Variants in RPL26L1 observed in about 807,000 individuals in gnomAD.
RPL26L1 encodes the protein ribosomal protein L26 like 1, also known as ribosomal protein uL24-like.
Under a neutral mutation model 15.2 loss-of-function variants are expected in RPL26L1, and 8 were observed. The ratio of observed to expected loss-of-function variants is 0.53; its 90% CI spans 0.31 to 0.95. The LOEUF is 0.95. RPL26L1 is among the 40% of genes least tolerant of loss of function. RPL26L1 has a pLI of 0.05. For missense variants in RPL26L1, 146 were observed against 190.9 expected (o/e 0.76, Z 1.39); for synonymous variants, 51 against 65.9 (o/e 0.77, Z 1.09).
chr5:172,964,982 G>A (rs773250528), intron 2 of RPL26L1, among the ~76,000 whole-genome samples: 18 of 152,186 alleles, frequency 1.2e-4, no homozygotes, highest in Non-Finnish European at 2.4e-4. Context: ...CCAGGAGTTC[G>A]AGACCAGCCT....
At chr5:172,957,397 C>T, upstream of RPL26L1, 1 of 391,894 alleles carries the variant, frequency 2.6e-6, no homozygotes. Flanking sequence ...ATCTTGGGTT[C>T]TCAAGATCTG....
At chr5:172,958,486 T>C (rs1298300254), upstream of RPL26L1, 2 of 455,108 alleles carry the variant, frequency 4.4e-6, no homozygotes, top group Admixed American at 2.4e-5. Context: ...AAAGGGAGAG[T>C]TGGAGTTAAT....
upstream of RPL26L1, chr5:172,958,534 C>A (rs966754979): frequency 9.6e-6 from 4 of 417,032 alleles, no homozygotes; most frequent in Admixed American, 7.4e-5. Context: ...GGTTCTTAAC[C>A]CGAAGAGAGT....
upstream of RPL26L1, among the ~76,000 whole-genome samples, chr5:172,956,659 C>T (rs1045553644): frequency 6.6e-6 from 1 of 152,126 alleles, no homozygotes; most frequent in Non-Finnish European, 1.5e-5. Context: ...GACACCAGGC[C>T]GGGTGTGGTG....
chr5:172,968,801 G>GTTTTTTTTTT (rs1561759656), intron 3 of RPL26L1, among the ~76,000 whole-genome samples: 1 of 58,948 alleles, frequency 1.7e-5, no homozygotes, highest in East Asian at 6.2e-4. Flanking sequence ...TGATGGCTGT[G>GTTTTTTTTTT]TCTTTTTTTT....
At chr5:172,969,332 CTT>C in intron 3 of RPL26L1, 79 bp from the exon 4 acceptor site, 1 of 1,438,554 alleles carries the variant, frequency 7.0e-7, no homozygotes, top group Non-Finnish European at 9.6e-7. Context: ...TGGCTGAGGT[CTT>C]ACTTAACTTA....
chr5:172,962,704 T>C (rs1755285123), intron 2 of RPL26L1, among the ~76,000 whole-genome samples: 1 of 147,964 alleles, frequency 6.8e-6, no homozygotes, highest in South Asian at 2.1e-4. Flanking sequence ...TAGTCCCAAC[T>C]ACTTGGGAGG....
chr5:172,957,196 G>A (rs1755001966), upstream of RPL26L1: 1 of 456,124 alleles, frequency 2.2e-6, no homozygotes, highest in African/African-American at 2.0e-5. Context: ...TCCTGCGCAT[G>A]TTTCCAGGGG....
upstream of RPL26L1, among the ~76,000 whole-genome samples, chr5:172,956,194 G>A (rs1204464892): frequency 1.3e-5 from 2 of 152,152 alleles, no homozygotes; most frequent in African/African-American, 2.4e-5. Flanking sequence ...AAAGTCACCC[G>A]TAATCCCACT....
At chr5:172,954,620 A>AAGG (rs1764314699), upstream of RPL26L1, among the ~76,000 whole-genome samples, 1 of 151,604 alleles carries the variant, frequency 6.6e-6, no homozygotes, top group Non-Finnish European at 1.5e-5. Flanking sequence ...AGGAAGAGGG[A>AAGG]AGGTGGGTGT....
chr5:172,963,667 C>T (rs1755336091), intron 2 of RPL26L1, among the ~76,000 whole-genome samples: 1 of 152,188 alleles, frequency 6.6e-6, no homozygotes, highest in Non-Finnish European at 1.5e-5. Context: ...ATATTATAGC[C>T]TAGCATTCTT....
At chr5:172,954,404 T>C (rs941938146), upstream of RPL26L1, among the ~76,000 whole-genome samples, 9 of 135,498 alleles carry the variant, frequency 6.6e-5, no homozygotes, top group Non-Finnish European at 1.1e-4. Flanking sequence ...CCCGTCTCTA[T>C]AGAAAAAATA....
intron 2 of RPL26L1, 126 bp from the exon 3 acceptor site, chr5:172,968,333 G>C: frequency 8.0e-7 from 1 of 1,243,494 alleles, no homozygotes; most frequent in Non-Finnish European, 1.1e-6. Flanking sequence ...GCTAATTTTT[G>C]ACTGCCAGGA....
chr5:172,954,808 A>T, upstream of RPL26L1: 1 of 392,862 alleles, frequency 2.5e-6, no homozygotes, highest in Admixed American at 3.2e-5. Context: ...CATTTTTATT[A>T]TTTCTCCTTT....
chr5:172,958,838 T>TGAGAGGGGCGAGGTCTAGGA (rs1755092347), upstream of RPL26L1: 3 of 114,788 alleles, frequency 2.6e-5, no homozygotes, highest in African/African-American at 3.7e-5. Flanking sequence ...GGGGACTGGA[T>TGAGAGGGGCGAGGTCTAGGA]GAGAGGGGCG....
In RPL26L1 at chr5:172,969,731, G is replaced by C. The variant is rs747597482; in HGVS notation, c.*190G>C. On this transcript the variant is annotated 3_prime_UTR_variant, in exon 4 of 4. Transcript: ENST00000265100. ...GGGAAATGCTTCCTAATTCCACATA[G>C]TATTTGCATTGTTTTATAAATAAAT... 10 of 467,450 alleles carry C rather than the reference G, an allele frequency of 2.1e-5. No individual in the cohort carries two copies. The highest frequency in any genetic ancestry group is 3.8e-5 in the Non-Finnish European group (10 of 259,800). The allele number at this position is 467,450 out of a possible 1,614,324, so 29.0% of individuals were successfully genotyped here.
intron 2 of RPL26L1, among the ~76,000 whole-genome samples, chr5:172,960,273 A>G (rs558269851): frequency 6.6e-6 from 1 of 152,306 alleles, no homozygotes; most frequent in East Asian, 1.9e-4. Context: ...CAACCAAGCA[A>G]AAACCTGCTT....
chr5:172,958,573 C>A, upstream of RPL26L1: 1 of 365,584 alleles, frequency 2.7e-6, no homozygotes. Context: ...TCCTTCCCTG[C>A]CGCCACGGTG....
chr5:172,957,897 C>T (rs894021105), upstream of RPL26L1: 13 of 177,450 alleles, frequency 7.3e-5, no homozygotes, highest in Non-Finnish European at 1.5e-4. Flanking sequence ...GCTGTCCAGG[C>T]TTCTGCAAAT....
Sources: allele counts gnomAD v4.1 joint callset (sites outside exome capture counted in the v4.1 genomes callset), GRCh38; gene constraint gnomAD v4.1.1; transcripts MANE v1.5; gene names NCBI Gene and HGNC (gene_info 2026-07-23, HGNC 2026-07-21).